Variants in BNC2 observed in about 807,000 individuals in gnomAD.
BNC2 encodes basonuclin zinc finger protein 2.
Under a neutral mutation model 76.3 loss-of-function variants are expected in BNC2, and 20 were observed. The observed-to-expected ratio is 0.26, with a 90% CI of 0.18 to 0.38. BNC2 has a LOEUF of 0.38. Ranked by LOEUF, BNC2 falls within the 10% of genes least tolerant of loss-of-function variation. The pLI is 1.00. For missense variants in BNC2, 1,382 were observed against 1,399.8 expected, an observed-to-expected ratio of 0.99 and a Z score of 0.20; for synonymous variants, 582 against 514.8, an observed-to-expected ratio of 1.13 and a Z score of -1.77.
chr9:16,569,121 T>C (rs900859918), intron 4 of BNC2, among the ~76,000 whole-genome samples: 11 of 151,134 alleles, frequency 7.3e-5, no homozygotes, highest in Non-Finnish European at 1.2e-4. Flanking sequence ...TTTTTTTTTT[T>C]CTTCAACAAA....
chr9:16,418,872 T>A lies in BNC2; in HGVS notation c.*117A>T. 1 of 519,460 alleles carries A rather than the reference T, an allele frequency of 1.9e-6. No individual in the cohort carries two copies. Among genetic ancestry groups the A allele is most frequent in the South Asian group, 3.9e-5 (1 of 25,818 alleles). 32.2% of individuals were successfully genotyped at this position (519,460 alleles called of 1,614,324 possible). A position where few individuals can be genotyped will look rare whatever the true frequency, so the allele number is the denominator to read the frequency against. Reference sequence around the variant, plus strand: ...TATGTAGCCACAGAGCATACATAAATGCACACACACACACACACACACACA... The same window carrying A: ...TATGTAGCCACAGAGCATACATAAAAGCACACACACACACACACACACACA... On this transcript the variant is annotated 3_prime_UTR_variant, in exon 7 of 7. Transcript: ENST00000380672.
At chr9:16,453,669 G>A (rs552882974) in intron 5 of BNC2, among the ~76,000 whole-genome samples, 10 of 152,128 alleles carry the variant, frequency 6.6e-5, no homozygotes, top group South Asian at 6.2e-4. Context: ...AACCTCAGCC[G>A]GGCCCAGTGT....
intron 1 of BNC2, among the ~76,000 whole-genome samples, chr9:16,843,824 GAATTCATGTTAGAATTCAAGCAGA>G (rs1318773643): frequency 2.0e-5 from 3 of 152,168 alleles, no homozygotes; most frequent in African/African-American, 7.2e-5. Flanking sequence ...AAAACAAGCA[GAATTCATGTTAGAATTCAAGCAGA>G]AATTCATGTT....
intron 1 of BNC2, among the ~76,000 whole-genome samples, chr9:16,846,037 G>A (rs143249251): frequency 8.2e-4 from 124 of 151,952 alleles, no homozygotes; most frequent in African/African-American, 2.9e-3. Flanking sequence ...GCAGTCCGGA[G>A]GCTGACGCAG....
chr9:16,665,386 AAGAG>A (rs55852227), intron 3 of BNC2, among the ~76,000 whole-genome samples: 1 of 84,288 alleles, frequency 1.2e-5, no homozygotes, highest in Non-Finnish European at 2.1e-5. Context: ...AAAAAAAAAA[AAGAG>A]AGAGAGAGAG....
chr9:16,423,825 G>A (rs112127699), intron 6 of BNC2, among the ~76,000 whole-genome samples: 2,763 of 152,226 alleles, frequency 0.018, 88 homozygotes, highest in African/African-American at 0.063. Flanking sequence ...AACTACAAAT[G>A]CTTCCTTTAA....
chr9:16,661,512 T>C (rs1822110825), intron 3 of BNC2, among the ~76,000 whole-genome samples: 1 of 152,190 alleles, frequency 6.6e-6, no homozygotes. Context: ...TGGAGTCCTC[T>C]GTCTCATAAT....
intron 3 of BNC2, among the ~76,000 whole-genome samples, chr9:16,646,008 G>C (rs576931956): frequency 6.6e-6 from 1 of 152,290 alleles, no homozygotes; most frequent in Admixed American, 6.5e-5. Context: ...CATTCCACAG[G>C]GTTCTGAAAA....
intron 5 of BNC2, among the ~76,000 whole-genome samples, chr9:16,488,315 T>C (rs1471990382): frequency 6.6e-6 from 1 of 152,164 alleles, no homozygotes; most frequent in Admixed American, 6.5e-5. Flanking sequence ...TGTTTTCTGC[T>C]CTAGAGACCT....
At chr9:16,610,863 T>C (rs1161115753) in intron 3 of BNC2, among the ~76,000 whole-genome samples, 1 of 152,190 alleles carries the variant, frequency 6.6e-6, no homozygotes, top group Non-Finnish European at 1.5e-5. Context: ...GTTTTTTAAT[T>C]TGTCATGATA....
At chr9:16,479,115 G>A (rs541138310) in intron 5 of BNC2, among the ~76,000 whole-genome samples, 27 of 152,206 alleles carry the variant, frequency 1.8e-4, no homozygotes, top group African/African-American at 3.4e-4. Context: ...AGCCAGGCGC[G>A]TTGGCGCACA....
Position 16,832,078 on chromosome 9 carries a change from A to C in BNC2, c.3+38568T>G, listed in dbSNP as rs117736515. Reference sequence around the variant, plus strand: ...AAACTAATAGGACAATCAGCAAGCCAATCTATTAGAATTCCAGCTGGCTAT... The same window carrying C: ...AAACTAATAGGACAATCAGCAAGCCCATCTATTAGAATTCCAGCTGGCTAT... On this transcript the variant is annotated intron_variant, in intron 1 of 6. Transcript: ENST00000380672. Among the ~76,000 whole-genome samples the C allele has an allele frequency of 1.3e-3, 203 of 152,348 alleles. 2 individuals are homozygous for C. In the East Asian group the frequency reaches 0.019, roughly 14 times the overall value.
At chr9:16,626,925 C>A (rs1230047552) in intron 3 of BNC2, among the ~76,000 whole-genome samples, 2 of 152,134 alleles carry the variant, frequency 1.3e-5, no homozygotes, top group African/African-American at 2.4e-5. Flanking sequence ...TAATTTAATA[C>A]CTGCCGCTTG....
chr9:16,759,613 A>T (rs1825493077), intron 1 of BNC2, among the ~76,000 whole-genome samples: 1 of 152,204 alleles, frequency 6.6e-6, no homozygotes, highest in Non-Finnish European at 1.5e-5. Context: ...TTTATATATA[A>T]TTCCATTTTA....
At chr9:16,622,822 C>T (rs1315125760) in intron 3 of BNC2, among the ~76,000 whole-genome samples, 3 of 152,030 alleles carry the variant, frequency 2.0e-5, no homozygotes, top group Non-Finnish European at 4.4e-5. Context: ...AAGGGAAACG[C>T]ATGTAAAGAA....
intron 5 of BNC2, among the ~76,000 whole-genome samples, chr9:16,452,582 G>C (rs1052084301): frequency 2.0e-5 from 3 of 152,078 alleles, no homozygotes; most frequent in Non-Finnish European, 4.4e-5. Flanking sequence ...GCTAATTTTT[G>C]TATATTCAGT....
intron 3 of BNC2, among the ~76,000 whole-genome samples, chr9:16,594,301 T>G (rs879730247): frequency 1.3e-5 from 2 of 152,154 alleles, no homozygotes; most frequent in Admixed American, 1.3e-4. Flanking sequence ...ACACAAAAGT[T>G]GTCCCAAGTT....
chr9:16,744,461 G>T (rs930301985), intron 1 of BNC2, among the ~76,000 whole-genome samples: 3 of 152,164 alleles, frequency 2.0e-5, no homozygotes, highest in African/African-American at 7.2e-5. Context: ...ACTACAACCA[G>T]TACTGCTAAG....
chr9:16,636,553 T>C (rs535137918), intron 3 of BNC2, among the ~76,000 whole-genome samples: 1 of 152,214 alleles, frequency 6.6e-6, no homozygotes, highest in East Asian at 1.9e-4. Flanking sequence ...TCCTCCTACC[T>C]CGGCCTCCCA....
Sources: gnomAD v4.1 joint callset for allele counts (sites outside exome capture counted in the v4.1 genomes callset) on GRCh38, gnomAD v4.1.1 for gene constraint, MANE v1.5 for transcripts, NCBI Gene and HGNC (gene_info 2026-07-23, HGNC 2026-07-21) for gene names.